Variants in TMCO5A observed in about 807,000 individuals in gnomAD.
The protein encoded by TMCO5A is transmembrane and coiled-coil domain-containing protein 5A.
TMCO5A carries 34 observed loss-of-function variants against 42.3 expected under a neutral mutation model. That is an observed-to-expected ratio of 0.80 (90% CI 0.61 to 1.07). The LOEUF (loss-of-function observed/expected upper bound fraction) is 1.07, where lower values mean the gene tolerates loss of function less well. Among genes scored for constraint, TMCO5A ranks in the 50% least tolerant of loss-of-function variants. The probability of loss-of-function intolerance (pLI) is 0.00; values close to 1 mark genes in which losing one functional copy is unlikely to be tolerated. For synonymous variants in TMCO5A, 131 were observed against 115.6 expected (o/e 1.13, Z -0.86); for missense variants, 357 against 327.9 (o/e 1.09, Z -0.69).
At chr15:37,970,304 G>A (rs961080240), downstream of TMCO5A, among the ~76,000 whole-genome samples, 1 of 152,194 alleles carries the variant, frequency 6.6e-6, no homozygotes, top group Non-Finnish European at 1.5e-5. Flanking sequence ...AAGACAGCTT[G>A]TGTAGGAAAA....
At chr15:37,988,800 T>C in the TMCO5A span, among the ~76,000 whole-genome samples, 1 of 152,058 alleles carries the variant, frequency 6.6e-6, no homozygotes, top group Non-Finnish European at 1.5e-5. Flanking sequence ...TATTGTTTTG[T>C]AGTTTTCTTT....
chr15:38,010,450 CACACACAG>C, the TMCO5A span, among the ~76,000 whole-genome samples: 13 of 147,866 alleles, frequency 8.8e-5, no homozygotes, highest in East Asian at 6.1e-4. Context: ...CACACACACA[CACACACAG>C]GAAGGGGCCA....
At chr15:38,002,017 G>C in the TMCO5A span, among the ~76,000 whole-genome samples, 3 of 152,056 alleles carry the variant, frequency 2.0e-5, no homozygotes, top group African/African-American at 4.8e-5. Flanking sequence ...AGTGAGTTTT[G>C]TATCTCCAGA....
chr15:37,982,825 T>G, the TMCO5A span, among the ~76,000 whole-genome samples: 4 of 147,916 alleles, frequency 2.7e-5, no homozygotes, highest in Non-Finnish European at 5.9e-5. Flanking sequence ...TATATATATG[T>G]GTGTGTATAT....
rs111752534 is a variant in TMCO5A, at chr15:37,944,779, A to C, written c.627+1381A>C. On this transcript the variant is annotated intron_variant, in intron 10 of 11. Coordinates refer to ENST00000319669, the MANE Select transcript of TMCO5A (RefSeq NM_152453.4). ...AATTCCTCTTTTTATCTCACAAGGA[A>C]GGTTAAAGGACAATGAAATAACTGA... Among the ~76,000 whole-genome samples the C allele has an allele frequency of 9.3e-3, 1,416 of 152,200 alleles. 30 individuals carry two copies. Among genetic ancestry groups the C allele is most frequent in the African/African-American group, 0.032 (1,348 of 41,522 alleles).
chr15:38,028,262 A>G, the TMCO5A span, among the ~76,000 whole-genome samples: 2 of 152,214 alleles, frequency 1.3e-5, no homozygotes, highest in African/African-American at 4.8e-5. Flanking sequence ...CGTAAAATAT[A>G]TTTGAGATTG....
At chr15:38,000,305 T>C in the TMCO5A span, among the ~76,000 whole-genome samples, 7 of 152,174 alleles carry the variant, frequency 4.6e-5, no homozygotes, top group Non-Finnish European at 8.8e-5. Context: ...TTTATTGGCA[T>C]AAAGTTGCTC....
At chr15:38,031,038 A>G in the TMCO5A span, among the ~76,000 whole-genome samples, 1 of 152,118 alleles carries the variant, frequency 6.6e-6, no homozygotes, top group Non-Finnish European at 1.5e-5. Flanking sequence ...CTCACATCCA[A>G]TACATATCCT....
chr15:37,985,589 A>T, the TMCO5A span, among the ~76,000 whole-genome samples: 5 of 152,200 alleles, frequency 3.3e-5, no homozygotes, highest in Non-Finnish European at 5.9e-5. Context: ...ATTTTTAGAA[A>T]ATAATCAGTT....
chr15:37,961,726 T>C (rs1245812191), intron 11 of TMCO5A, among the ~76,000 whole-genome samples: 1 of 152,104 alleles, frequency 6.6e-6, no homozygotes, highest in East Asian at 1.9e-4. Context: ...TGTTTTTCAG[T>C]TTTTCTTGTA....
At chr15:37,966,954 T>C in exon 12 of TMCO5A, 1 of 390,688 alleles carries the variant, frequency 2.6e-6, no homozygotes, top group Non-Finnish European at 4.6e-6. Flanking sequence ...GCTCAGTGCC[T>C]ATGGAAGAGA....
At chr15:37,950,931 A>T (rs980147854) in intron 11 of TMCO5A, 105 bp from the exon 12 acceptor site, 1 of 966,676 alleles carries the variant, frequency 1.0e-6, no homozygotes, top group Non-Finnish European at 1.6e-6. Flanking sequence ...GTGATAATCC[A>T]TTTGAATATC....
chr15:37,982,527 A>G, the TMCO5A span, among the ~76,000 whole-genome samples: 1 of 145,008 alleles, frequency 6.9e-6, no homozygotes, highest in Non-Finnish European at 1.5e-5. Context: ...TTATCTATAT[A>G]TAATAGATAT....
the TMCO5A span, among the ~76,000 whole-genome samples, chr15:37,997,159 C>T: frequency 7.9e-5 from 12 of 152,156 alleles, no homozygotes; most frequent in East Asian, 3.9e-4. Context: ...ACCTGGGAGA[C>T]GGCAACAATG....
intron 11 of TMCO5A, among the ~76,000 whole-genome samples, chr15:37,962,353 T>G (rs981240993): frequency 6.6e-6 from 1 of 152,170 alleles, no homozygotes; most frequent in Non-Finnish European, 1.5e-5. Flanking sequence ...TTGACTTGTG[T>G]ATATTAAACC....
chr15:38,028,862 C>T, the TMCO5A span, among the ~76,000 whole-genome samples: 13 of 152,200 alleles, frequency 8.5e-5, 1 homozygote, highest in South Asian at 2.7e-3. Flanking sequence ...CCCTGCTGGA[C>T]TCTAAAAACT....
chr15:37,936,793 CA>C, intron 3 of TMCO5A, 53 bp from the exon 4 acceptor site: 1 of 1,602,682 alleles, frequency 6.2e-7, no homozygotes. Context: ...TGTGTTTTAT[CA>C]GTTCTGAAAC....
At chr15:38,026,311 C>A in the TMCO5A span, among the ~76,000 whole-genome samples, 3 of 152,058 alleles carry the variant, frequency 2.0e-5, no homozygotes, top group African/African-American at 7.2e-5. Flanking sequence ...AAATGAGGAA[C>A]TTTTTGGGGA....
the TMCO5A span, among the ~76,000 whole-genome samples, chr15:37,979,698 A>C: frequency 6.6e-6 from 1 of 150,994 alleles, no homozygotes; most frequent in South Asian, 2.1e-4. Flanking sequence ...TTAGTCCTTT[A>C]TCTTTTCACA....
Sources: allele counts gnomAD v4.1 joint callset (sites outside exome capture counted in the v4.1 genomes callset), GRCh38; gene constraint gnomAD v4.1.1; transcripts MANE v1.5; gene names NCBI Gene and HGNC (gene_info 2026-07-23, HGNC 2026-07-21).